The following HDX variants were observed in gnomAD, a reference collection of about 807,000 sequenced individuals.
The protein encoded by HDX is highly divergent homeobox, also known as chromosome X open reading frame 43.
Under a neutral mutation model 45.2 loss-of-function variants are expected in HDX, and 19 were observed. The observed-to-expected ratio is 0.42, with a 90% CI of 0.29 to 0.62. HDX has a LOEUF of 0.62. Among genes scored for constraint, HDX ranks in the 20% least tolerant of loss-of-function variants. HDX has a pLI of 0.20. For missense variants in HDX, 532 were observed against 493.9 expected (o/e 1.08, Z -0.73); for synonymous variants, 188 against 172.8 (o/e 1.09, Z -0.69).
chrX:84,417,806 A>C (rs760565122), intron 5 of HDX, among the ~76,000 whole-genome samples: 2 of 112,054 alleles, frequency 1.8e-5, no homozygotes, highest in South Asian at 7.4e-4. Flanking sequence ...AAACTGGCAT[A>C]GTCTGGATGC....
At chrX:84,349,403 ATGTGTGTGTGTGTGTGTG>A (rs58864600) in intron 6 of HDX, among the ~76,000 whole-genome samples, 6 of 68,512 alleles carry the variant, frequency 8.8e-5, no homozygotes, top group East Asian at 4.3e-4. Context: ...ATATATATAT[ATGTGTGTGTGTGTGTGTG>A]TGTGTGTGTG....
chrX:84,366,545 A>G (rs1212260476), intron 5 of HDX, among the ~76,000 whole-genome samples: 1 of 111,958 alleles, frequency 8.9e-6, no homozygotes, highest in Non-Finnish European at 1.9e-5. Flanking sequence ...AGCAAAAAGA[A>G]CAAAACTGGG....
At chrX:84,352,861 A>G (rs1425899225) in intron 6 of HDX, among the ~76,000 whole-genome samples, 6 of 111,615 alleles carry the variant, frequency 5.4e-5, no homozygotes, top group African/African-American at 1.6e-4. Context: ...TTTTACAATA[A>G]TCTTAGCCAC....
At position 84,367,670 on chromosome X, in the gene HDX, C is replaced by T. The variant is rs1444354851; in HGVS notation, c.1306-6058G>A. On this transcript the variant is annotated intron_variant, in intron 5 of 10. Transcript: ENST00000373177. Reference sequence around the variant, plus strand: ...TATATACCATGGAATACAAGGCAGCCATAAAAAAGGATGAGTTCATGTCCT... The same window carrying T: ...TATATACCATGGAATACAAGGCAGCTATAAAAAAGGATGAGTTCATGTCCT... Among the ~76,000 whole-genome samples, 3 of 112,004 alleles carry T rather than the reference C, an allele frequency of 2.7e-5. No individual in the cohort carries two copies. The East Asian group carries it at 8.4e-4, about 31-fold the overall frequency.
chrX:84,347,618 G>GA (rs2037236885), intron 6 of HDX, among the ~76,000 whole-genome samples: 1 of 111,193 alleles, frequency 9.0e-6, no homozygotes, highest in African/African-American at 3.3e-5. Flanking sequence ...AACATTTCTT[G>GA]AAAGGCAGTT....
chrX:84,373,680 C>A (rs1376010916), intron 5 of HDX, among the ~76,000 whole-genome samples: 1 of 111,097 alleles, frequency 9.0e-6, no homozygotes, highest in East Asian at 2.8e-4. Context: ...TCAATAGATG[C>A]AGAAAAGGCC....
At chrX:84,436,818 A>T (rs1450988223) in intron 5 of HDX, among the ~76,000 whole-genome samples, 3 of 67,039 alleles carry the variant, frequency 4.5e-5, no homozygotes, top group African/African-American at 1.8e-4. Flanking sequence ...AATGTTTTGT[A>T]AATGTTTGCT....
At chrX:84,381,207 C>G (rs2147904028) in intron 5 of HDX, among the ~76,000 whole-genome samples, 1 of 110,706 alleles carries the variant, frequency 9.0e-6, no homozygotes, top group African/African-American at 3.3e-5. Context: ...AAAAGGGCAC[C>G]ACAAAATGGA....
At chrX:84,349,403 ATGTGTGTGTGTGTGTGTGTGTG>A (rs58864600) in intron 6 of HDX, among the ~76,000 whole-genome samples, 1 of 68,512 alleles carries the variant, frequency 1.5e-5, no homozygotes, top group Non-Finnish European at 2.7e-5. Flanking sequence ...ATATATATAT[ATGTGTGTGTGTGTGTGTGTGTG>A]TGTGTGTGTG....
chrX:84,381,490 G>C (rs1177763617), intron 5 of HDX, among the ~76,000 whole-genome samples: 1 of 110,843 alleles, frequency 9.0e-6, no homozygotes, highest in Non-Finnish European at 1.9e-5. Context: ...TCTGGCATAA[G>C]AAATAGACAT....
intron 1 of HDX, among the ~76,000 whole-genome samples, chrX:84,493,355 T>A (rs1341291055): frequency 8.9e-6 from 1 of 111,963 alleles, no homozygotes; most frequent in African/African-American, 3.2e-5. Flanking sequence ...AAGGAGATTT[T>A]AATAAAAACT....
chrX:84,470,472 G>A (rs1602517615), intron 3 of HDX, among the ~76,000 whole-genome samples: 1 of 111,189 alleles, frequency 9.0e-6, no homozygotes, highest in East Asian at 2.8e-4. Context: ...AAATTGATTT[G>A]TATGCAAGAG....
At chrX:84,496,541 T>G (rs754693104) in intron 1 of HDX, among the ~76,000 whole-genome samples, 1 of 110,651 alleles carries the variant, frequency 9.0e-6, no homozygotes, top group African/African-American at 3.3e-5. Context: ...CAACAATCCC[T>G]ACCTGAGGCT....
In HDX at chrX:84,318,004, C is replaced by T. The variant is rs2036532523; in HGVS notation, c.*3885G>A. The T allele has an allele frequency of 1.8e-5, 2 of 110,829 alleles. No homozygotes were observed. The highest frequency in any genetic ancestry group is 1.9e-4 in the Admixed American group (2 of 10,411). The allele number at this position is 110,829 out of a possible 1,213,427, so 9.1% of individuals were successfully genotyped here. A position where few individuals can be genotyped will look rare whatever the true frequency, so the allele number is the denominator to read the frequency against. On this transcript the variant is annotated 3_prime_UTR_variant, in exon 11 of 11. Transcript: ENST00000373177. ...GAGGTAGTACTAGTAAAATGGGATG[C>T]AGGATTGCTAAAATGAATTACTTAA...
intron 4 of HDX, among the ~76,000 whole-genome samples, chrX:84,464,798 T>C (rs1025784433): frequency 1.8e-5 from 2 of 111,564 alleles, no homozygotes; most frequent in Non-Finnish European, 3.8e-5. Flanking sequence ...CCAGAAGCAA[T>C]GGCAACAAAA....
intron 9 of HDX, among the ~76,000 whole-genome samples, chrX:84,330,305 A>G (rs1234957881): frequency 8.9e-6 from 1 of 111,977 alleles, no homozygotes; most frequent in Admixed American, 9.6e-5. Flanking sequence ...TCTCAAAATC[A>G]TAGCAGGACT....
chrX:84,456,375 A>G (rs967503308), intron 4 of HDX, among the ~76,000 whole-genome samples: 3 of 111,584 alleles, frequency 2.7e-5, no homozygotes, highest in African/African-American at 9.8e-5. Flanking sequence ...CTCAAATTAA[A>G]AAGCATACAA....
chrX:84,479,812 G>C (rs1466374581), intron 2 of HDX, among the ~76,000 whole-genome samples: 2 of 110,838 alleles, frequency 1.8e-5, no homozygotes, highest in African/African-American at 6.6e-5. Context: ...AGTGACAAAT[G>C]TTGTTGAACA....
chrX:84,373,254 C>T (rs1277712640), intron 5 of HDX, among the ~76,000 whole-genome samples: 1 of 111,077 alleles, frequency 9.0e-6, no homozygotes, highest in Admixed American at 9.7e-5. Flanking sequence ...GGAAATGTTG[C>T]CCCAAATCGG....
Sources: allele counts gnomAD v4.1 joint callset (sites outside exome capture counted in the v4.1 genomes callset), GRCh38; gene constraint gnomAD v4.1.1; transcripts MANE v1.5; gene names NCBI Gene and HGNC (gene_info 2026-07-23, HGNC 2026-07-21).